FBXO11: variants seen among roughly 807,000 people sequenced by gnomAD.
The protein encoded by FBXO11 is F-box only protein 11.
A neutral mutation model predicts 117.0 loss-of-function variants in FBXO11; 13 were observed. The ratio of observed to expected loss-of-function variants is 0.11; its 90% CI spans 0.07 to 0.18. The LOEUF is 0.18. Ranked by LOEUF, FBXO11 falls within the 10% of genes least tolerant of loss-of-function variation. FBXO11 has a pLI of 1.00. For synonymous variants in FBXO11, 490 were observed against 380.5 expected, an observed-to-expected ratio of 1.29 and a Z score of -3.35; for missense variants, 767 against 1,164.4, an observed-to-expected ratio of 0.66 and a Z score of 4.97.
chr2:47,809,396 A>T (rs999200490), intron 20 of FBXO11, 130 bp from the exon 21 acceptor site: 1 of 687,758 alleles, frequency 1.5e-6, no homozygotes, highest in East Asian at 2.8e-5. Flanking sequence ...CCAATGAAGT[A>T]ATTGTAAGAA....
At chr2:47,840,145 G>A (rs537454294) in intron 1 of FBXO11, among the ~76,000 whole-genome samples, 4 of 151,914 alleles carry the variant, frequency 2.6e-5, no homozygotes, top group Admixed American at 6.6e-5. Flanking sequence ...GGGTTTCATC[G>A]TGGTAGCCAG....
intron 1 of FBXO11, among the ~76,000 whole-genome samples, chr2:47,897,701 CAAAAA>C (rs60982405): frequency 2.3e-4 from 24 of 103,140 alleles, no homozygotes; most frequent in African/African-American, 6.6e-4. Context: ...TGTCTTAAAC[CAAAAA>C]AAAAAAAAAA....
chr2:47,865,500 A>G (rs916564995), intron 1 of FBXO11, among the ~76,000 whole-genome samples: 1 of 152,242 alleles, frequency 6.6e-6, no homozygotes, highest in African/African-American at 2.4e-5. Context: ...ACTAATAAAT[A>G]AAACAGGGGC....
intron 18 of FBXO11, 61 bp downstream of exon 18, chr2:47,813,173 A>G: frequency 2.0e-6 from 3 of 1,485,934 alleles, no homozygotes; most frequent in Non-Finnish European, 2.8e-6. Context: ...ATTGATCATT[A>G]AAGATATGGA....
At chr2:47,890,109 C>T (rs1207405173) in intron 1 of FBXO11, among the ~76,000 whole-genome samples, 1 of 152,030 alleles carries the variant, frequency 6.6e-6, no homozygotes, top group African/African-American at 2.4e-5. Flanking sequence ...TGCCACCAGG[C>T]CTGGCTAATT....
chr2:47,900,922 A>G (rs544695255), intron 1 of FBXO11, among the ~76,000 whole-genome samples: 15 of 145,494 alleles, frequency 1.0e-4, no homozygotes, highest in Non-Finnish European at 1.8e-4. Flanking sequence ...GTATATATAT[A>G]CACGTATTTA....
chr2:47,901,105 G>GTGTATATATGTACACA (rs1553362622), intron 1 of FBXO11, among the ~76,000 whole-genome samples: 2 of 111,398 alleles, frequency 1.8e-5, no homozygotes, highest in Non-Finnish European at 3.8e-5. Context: ...ACATATATAT[G>GTGTATATATGTACACA]TATATATGTA....
In FBXO11 at chr2:47,806,932, A is replaced by G. The variant is rs1670244112; in HGVS notation, c.*1186T>C. ...AATTCAGACAACATTATGATCTAAT[A>G]AACTTTATTTTTTAAAAATGACCAT... is the stretch of plus-strand genomic sequence containing the variant. On this transcript the variant is annotated 3_prime_UTR_variant, in exon 23 of 23. Transcript: ENST00000403359. 4 of 1,156,944 alleles carry G rather than the reference A, an allele frequency of 3.5e-6. No individual in the cohort carries two copies. The highest frequency in any genetic ancestry group is 5.1e-6 in the Non-Finnish European group (4 of 778,758). The allele number at this position is 1,156,944 out of a possible 1,614,324, so 71.7% of individuals were successfully genotyped here.
intron 1 of FBXO11, 29 bp from the exon 2 acceptor site, chr2:47,839,798 T>C: frequency 6.3e-7 from 1 of 1,583,450 alleles, no homozygotes; most frequent in Non-Finnish European, 8.6e-7. Flanking sequence ...ATAAGAAAAA[T>C]TATACCCTTT....
At chr2:47,809,735 T>TA (rs1553335374) in intron 19 of FBXO11, 28 bp from the exon 20 acceptor site, 4 of 1,441,934 alleles carry the variant, frequency 2.8e-6, no homozygotes, top group Middle Eastern at 3.6e-4. Flanking sequence ...AACAAGTAGA[T>TA]ACATCACTTT....
chr2:47,895,312 C>G (rs1677573289), intron 1 of FBXO11, among the ~76,000 whole-genome samples: 1 of 152,104 alleles, frequency 6.6e-6, no homozygotes, highest in African/African-American at 2.4e-5. Flanking sequence ...TACTAAACAG[C>G]AACAAGAATG....
At chr2:47,897,509 C>T (rs1677763506) in intron 1 of FBXO11, among the ~76,000 whole-genome samples, 1 of 152,026 alleles carries the variant, frequency 6.6e-6, no homozygotes, top group South Asian at 2.1e-4. Flanking sequence ...TCAGCTTGGC[C>T]AACGTGGGGA....
chr2:47,889,646 T>TA (rs1180235525), intron 1 of FBXO11, among the ~76,000 whole-genome samples: 31 of 145,908 alleles, frequency 2.1e-4, no homozygotes, highest in Admixed American at 2.0e-4. Context: ...TTTTTTTTTT[T>TA]AACCAATAAT....
chr2:47,836,063 G>T, intron 4 of FBXO11, 62 bp from the exon 5 acceptor site: 1 of 1,245,284 alleles, frequency 8.0e-7, no homozygotes, highest in Non-Finnish European at 1.1e-6. Flanking sequence ...ATACAGTTTT[G>T]AACAACTATA....
At chr2:47,830,302 C>T (rs1672084831) in intron 11 of FBXO11, among the ~76,000 whole-genome samples, 1 of 151,926 alleles carries the variant, frequency 6.6e-6, no homozygotes, top group South Asian at 2.1e-4. Context: ...GAAAGAAACT[C>T]AGCTAAGTTA....
intron 1 of FBXO11, among the ~76,000 whole-genome samples, chr2:47,900,681 T>C (rs544485968): frequency 3.3e-5 from 3 of 92,252 alleles, no homozygotes; most frequent in African/African-American, 1.4e-4. Context: ...TATACACACG[T>C]ATACACACAC....
In FBXO11 at chr2:47,815,778, T is replaced by C. The variant is rs114920484; in HGVS notation, c.2007-1911A>G. On this transcript the variant is annotated intron_variant, in intron 16 of 22. Transcript: ENST00000403359. The stretch of plus-strand genomic sequence containing the variant: ...TGTAAGGTTAGCGAGAGTTAGAAGT[T>C]CTGGAGTCTTCCCCGCATGCCCCAG... Among the ~76,000 whole-genome samples the C allele has an allele frequency of 9.3e-3, 1,417 of 152,266 alleles. 25 individuals are homozygous for C. The highest frequency in any genetic ancestry group is 0.031 in the African/African-American group (1,294 of 41,546).
intron 1 of FBXO11, among the ~76,000 whole-genome samples, chr2:47,857,896 A>C (rs1007299955): frequency 6.6e-6 from 1 of 152,196 alleles, no homozygotes; most frequent in Non-Finnish European, 1.5e-5. Context: ...GACGCAGCAG[A>C]CTTTTAAAAA....
rs551563670 is a variant in FBXO11 at position 47,822,729 on chromosome 2, T to G, written c.1616+414A>C. Among the ~76,000 whole-genome samples the G allele has an allele frequency of 3.3e-5, 5 of 152,350 alleles. No individual in the cohort carries two copies. In the East Asian group the frequency reaches 9.6e-4, roughly 29 times the overall value. ...TGACAGCTTGCAGTTTTTGACTTTT[T>G]GATAATTTTAGTCTTTCTGGCCAAG... On this transcript the variant is annotated intron_variant, in intron 12 of 22. Transcript: ENST00000403359.
Sources: gnomAD v4.1 joint callset for allele counts (sites outside exome capture counted in the v4.1 genomes callset) on GRCh38, gnomAD v4.1.1 for gene constraint, MANE v1.5 for transcripts, NCBI Gene and HGNC (gene_info 2026-07-23, HGNC 2026-07-21) for gene names.